NPAS3: variants seen among roughly 807,000 people sequenced by gnomAD.
NPAS3 encodes neuronal PAS domain-containing protein 3.
Under a neutral mutation model 73.1 loss-of-function variants are expected in NPAS3, and 14 were observed. The ratio of observed to expected loss-of-function variants is 0.19; its 90% CI spans 0.13 to 0.30. NPAS3 has a LOEUF of 0.30. Among genes scored for constraint, NPAS3 ranks in the 10% least tolerant of loss-of-function variants. The pLI, the probability that NPAS3 is intolerant of heterozygous loss-of-function variation, is 1.00. For synonymous variants in NPAS3, 620 were observed against 541.5 expected, an observed-to-expected ratio of 1.14 and a Z score of -2.01; for missense variants, 1,096 against 1,250.0, an observed-to-expected ratio of 0.88 and a Z score of 1.86.
intron 6 of NPAS3, among the ~76,000 whole-genome samples, chr14:33,719,315 T>C (rs879672162): frequency 1.3e-5 from 2 of 152,142 alleles, no homozygotes; most frequent in Non-Finnish European, 2.9e-5. Context: ...TGCAATTCTT[T>C]CCTGTTCCTT....
At chr14:33,746,188 T>A (rs1488475244) in intron 7 of NPAS3, among the ~76,000 whole-genome samples, 1 of 150,674 alleles carries the variant, frequency 6.6e-6, no homozygotes, top group Non-Finnish European at 1.5e-5. Flanking sequence ...TATTTATTTA[T>A]TTATTTATTT....
chr14:33,666,432 C>A (rs1484362601), intron 5 of NPAS3, among the ~76,000 whole-genome samples: 1 of 152,200 alleles, frequency 6.6e-6, no homozygotes, highest in Non-Finnish European at 1.5e-5. Flanking sequence ...TAGTGCTACT[C>A]AAAGTGTGAA....
chr14:33,095,771 C>G (rs961832847), intron 2 of NPAS3, among the ~76,000 whole-genome samples: 4 of 149,118 alleles, frequency 2.7e-5, no homozygotes, highest in Non-Finnish European at 5.9e-5. Context: ...CGGGTTCACG[C>G]CATTCTCCTG....
At chr14:33,183,421 G>GTTTTTTTT (rs55643715) in intron 2 of NPAS3, among the ~76,000 whole-genome samples, 2 of 60,764 alleles carry the variant, frequency 3.3e-5, no homozygotes, top group East Asian at 4.6e-4. Context: ...GTGAGACTCT[G>GTTTTTTTT]TTTTTTTTTT....
At chr14:33,065,908 G>A (rs535676246) in intron 2 of NPAS3, among the ~76,000 whole-genome samples, 2 of 152,160 alleles carry the variant, frequency 1.3e-5, no homozygotes, top group African/African-American at 4.8e-5. Flanking sequence ...TCTTTTTGAT[G>A]ATTCTTCTCT....
At chr14:33,441,550 C>G (rs943401991) in intron 4 of NPAS3, among the ~76,000 whole-genome samples, 55 of 152,262 alleles carry the variant, frequency 3.6e-4, no homozygotes, top group African/African-American at 1.2e-3. Flanking sequence ...TGAAGGCAGC[C>G]CATCCTATTA....
chr14:32,941,270 T>TCCCCC (rs1361340530), intron 1 of NPAS3, among the ~76,000 whole-genome samples: 2 of 5,494 alleles, frequency 3.6e-4, no homozygotes, highest in African/African-American at 1.1e-3. Context: ...CTCCTTCCCC[T>TCCCCC]CCCCTCCTCC....
chr14:32,986,806 A>C (rs2038117453), intron 1 of NPAS3, among the ~76,000 whole-genome samples: 1 of 152,168 alleles, frequency 6.6e-6, no homozygotes, highest in South Asian at 2.1e-4. Flanking sequence ...CTAAGGATGG[A>C]TATGATTTTA....
intron 2 of NPAS3, among the ~76,000 whole-genome samples, chr14:33,200,783 C>T (rs1048355489): frequency 3.9e-5 from 6 of 152,112 alleles, no homozygotes; most frequent in African/African-American, 1.4e-4. Flanking sequence ...TGAATATCCC[C>T]TATGTGCTGG....
At chr14:33,675,929 C>T (rs558534844) in intron 5 of NPAS3, among the ~76,000 whole-genome samples, 1 of 152,032 alleles carries the variant, frequency 6.6e-6, no homozygotes, top group East Asian at 1.9e-4. Flanking sequence ...ACAAGGCAGA[C>T]TCGTCCACAT....
At chr14:33,689,418 C>T (rs899761824) in intron 6 of NPAS3, among the ~76,000 whole-genome samples, 4 of 152,160 alleles carry the variant, frequency 2.6e-5, no homozygotes, top group African/African-American at 9.7e-5. Context: ...ACTAAGCATC[C>T]TCTTGTTACC....
chr14:33,619,268 A>AT (rs1157154204), intron 5 of NPAS3, among the ~76,000 whole-genome samples: 1 of 152,254 alleles, frequency 6.6e-6, no homozygotes, highest in African/African-American at 2.4e-5. Context: ...TTCCTATGAA[A>AT]TTTACTGTGA....
At chr14:33,480,221 A>G (rs2051247253) in intron 4 of NPAS3, among the ~76,000 whole-genome samples, 1 of 151,946 alleles carries the variant, frequency 6.6e-6, no homozygotes, top group African/African-American at 2.4e-5. Context: ...TAGAAGATAC[A>G]TTTTAAGAAG....
chr14:33,357,977 A>G (rs555169771), intron 3 of NPAS3, among the ~76,000 whole-genome samples: 6 of 152,132 alleles, frequency 3.9e-5, no homozygotes, highest in Non-Finnish European at 8.8e-5. Flanking sequence ...TGACTCCAGA[A>G]CCCCAATCCT....
At chr14:33,688,810 T>C (rs73257018) in intron 6 of NPAS3, among the ~76,000 whole-genome samples, 2,946 of 152,276 alleles carry the variant, frequency 0.019, 86 homozygotes, top group African/African-American at 0.063. Flanking sequence ...TGGAAGTCTC[T>C]GGTTTTTCCA....
At chr14:33,507,401 A>C (rs1001836098) in intron 4 of NPAS3, among the ~76,000 whole-genome samples, 1 of 152,066 alleles carries the variant, frequency 6.6e-6, no homozygotes, top group Non-Finnish European at 1.5e-5. Flanking sequence ...TCAAGTAAAA[A>C]AGAGTTTTAT....
intron 4 of NPAS3, among the ~76,000 whole-genome samples, chr14:33,448,505 C>A (rs1446571144): frequency 6.6e-6 from 1 of 152,204 alleles, no homozygotes; most frequent in Non-Finnish European, 1.5e-5. Context: ...TGATAGCATA[C>A]ATTTTGCATC....
At chr14:33,000,039 C>T (rs1030987125) in intron 1 of NPAS3, among the ~76,000 whole-genome samples, 10 of 152,186 alleles carry the variant, frequency 6.6e-5, no homozygotes, top group Non-Finnish European at 2.9e-5. Flanking sequence ...GAGAACCCTT[C>T]ACTCTGCTGG....
At chr14:33,675,344 TCAGA>T (rs1300596980) in intron 5 of NPAS3, among the ~76,000 whole-genome samples, 3 of 152,162 alleles carry the variant, frequency 2.0e-5, no homozygotes, top group Admixed American at 6.5e-5. Context: ...GGCGCACAAC[TCAGA>T]CGCAGGGGTC....
Sources: allele counts gnomAD v4.1 joint callset (sites outside exome capture counted in the v4.1 genomes callset), GRCh38; gene constraint gnomAD v4.1.1; transcripts MANE v1.5; gene names NCBI Gene and HGNC (gene_info 2026-07-23, HGNC 2026-07-21).